Variants in ADAMTS3 observed in about 807,000 individuals in gnomAD.
The protein encoded by ADAMTS3 is A disintegrin and metalloproteinase with thrombospondin motifs 3.
Under a neutral mutation model 129.0 loss-of-function variants are expected in ADAMTS3, and 73 were observed. That is an observed-to-expected ratio of 0.57 (90% CI 0.47 to 0.69). The LOEUF is 0.69. Ranked by LOEUF, ADAMTS3 falls within the 30% of genes least tolerant of loss-of-function variation. ADAMTS3 has a pLI of 0.00. For missense variants in ADAMTS3, 1,457 were observed against 1,514.5 expected (o/e 0.96, Z 0.63); for synonymous variants, 477 against 510.8 (o/e 0.93, Z 0.89).
chr4:72,320,038 TA>T, intron 7 of ADAMTS3, 75 bp from the exon 8 acceptor site: 7 of 1,266,528 alleles, frequency 5.5e-6, no homozygotes, highest in Non-Finnish European at 6.8e-6. Flanking sequence ...GACTTTTGCC[TA>T]GGGGGAAAAA....
intron 3 of ADAMTS3, among the ~76,000 whole-genome samples, chr4:72,514,253 T>C (rs1426860834): frequency 6.6e-6 from 1 of 152,178 alleles, no homozygotes; most frequent in Admixed American, 6.6e-5. Context: ...ACAGGATTAC[T>C]AGGCCCATAC....
chr4:72,284,808 A>G (rs758458428), intron 21 of ADAMTS3, among the ~76,000 whole-genome samples: 1 of 152,194 alleles, frequency 6.6e-6, no homozygotes, highest in Non-Finnish European at 1.5e-5. Flanking sequence ...GGTTACAAGA[A>G]TTGGATTTCA....
chr4:72,428,541 G>A (rs961585760), intron 3 of ADAMTS3, among the ~76,000 whole-genome samples: 8 of 152,024 alleles, frequency 5.3e-5, no homozygotes, highest in African/African-American at 1.9e-4. Context: ...AAGAACTGCT[G>A]ATTAAATGCT....
chr4:72,313,719 C>A lies in ADAMTS3; in HGVS notation c.1703G>T (p.Gly568Val). Residue 568 changes from glycine to valine, a missense_variant, in exon 12 of 22, where the codon GGA becomes GTA. Transcript: ENST00000286657. Reference protein sequence around the residue: ...TKFGSCSRTCGTGVRFRTRQC... With the variant: ...TKFGSCSRTCVTGVRFRTRQC... ...GCGTGTTCTGAAACGAACACCAGTT[C>A]CACATGTCCGAGAACAGGAGCCAAA... 6.2e-7 allele frequency: 1 copy of A among 1,613,734 alleles called. No homozygotes were observed. The highest frequency in any genetic ancestry group is 8.5e-7 in the Non-Finnish European group (1 of 1,179,836).
intron 3 of ADAMTS3, among the ~76,000 whole-genome samples, chr4:72,539,277 A>G: frequency 6.6e-6 from 1 of 152,086 alleles, no homozygotes; most frequent in Non-Finnish European, 1.5e-5. Flanking sequence ...AGAGATTAAT[A>G]TCCAGAATAT....
chr4:72,283,887 A>C (rs1718427331), intron 21 of ADAMTS3, among the ~76,000 whole-genome samples, 183 bp from the exon 22 acceptor site: 1 of 152,198 alleles, frequency 6.6e-6, no homozygotes, highest in Admixed American at 6.5e-5. Flanking sequence ...TAAAATAAGT[A>C]GTTCTTTGTC....
In ADAMTS3 at chr4:72,445,622, C is replaced by A. The variant is rs1472355562; in HGVS notation, c.505-30651G>T. ...TTTTATTAGCAACATGAAGCTGTAG[C>A]AAAGTATTAGCTAAACAAATGTATA... On this transcript the variant is annotated intron_variant, in intron 3 of 21. Coordinates refer to ENST00000286657, the MANE Select transcript of ADAMTS3 (RefSeq NM_014243.3). 2.6e-5 allele frequency among the ~76,000 whole-genome samples: 4 copies of A among 151,730 alleles called. 1 individual carries two copies. The highest frequency in any genetic ancestry group is 4.4e-5 in the Non-Finnish European group (3 of 67,750).
intron 4 of ADAMTS3, among the ~76,000 whole-genome samples, chr4:72,407,072 C>A (rs982992470): frequency 3.3e-5 from 5 of 152,046 alleles, no homozygotes; most frequent in Non-Finnish European, 4.4e-5. Context: ...CATATCCCAG[C>A]CTGATTAACT....
At chr4:72,549,963 AAG>A (rs1491478359) in intron 2 of ADAMTS3, among the ~76,000 whole-genome samples, 101 of 5,006 alleles carry the variant, frequency 0.02, 16 homozygotes, top group Middle Eastern at 0.25. Context: ...AAAAAAAAAA[AAG>A]AAGAAGAAGA....
intron 3 of ADAMTS3, among the ~76,000 whole-genome samples, chr4:72,425,132 C>T (rs1722536876): frequency 6.6e-6 from 1 of 152,020 alleles, no homozygotes; most frequent in Non-Finnish European, 1.5e-5. Flanking sequence ...ATTAGCAATG[C>T]TTGGCATTAT....
chr4:72,281,627 T>A lies in ADAMTS3; in HGVS notation c.*1509A>T, dbSNP rs2109758299. 1 of 152,306 alleles carries A rather than the reference T, an allele frequency of 6.6e-6. No homozygotes were observed. The highest frequency in any genetic ancestry group is 1.5e-5 in the Non-Finnish European group (1 of 68,020). 9.4% of individuals were successfully genotyped at this position (152,306 alleles called of 1,614,324 possible). A position where few individuals can be genotyped will look rare whatever the true frequency, so the allele number is the denominator to read the frequency against. ...AACAAGTCATCAACTTAATATCAAC[T>A]ACTAAAAATGCAAGATGTTTGCATA... On this transcript the variant is annotated 3_prime_UTR_variant, in exon 22 of 22. Coordinates refer to ENST00000286657, the MANE Select transcript of ADAMTS3 (RefSeq NM_014243.3).
intron 4 of ADAMTS3, among the ~76,000 whole-genome samples, chr4:72,397,421 C>T (rs953345282): frequency 1.1e-4 from 17 of 152,000 alleles, no homozygotes; most frequent in African/African-American, 2.9e-4. Context: ...ATAAATTAGC[C>T]AGGTGCCGTG....
At chr4:72,406,114 C>T (rs1024054565) in intron 4 of ADAMTS3, among the ~76,000 whole-genome samples, 15 of 152,074 alleles carry the variant, frequency 9.9e-5, no homozygotes, top group African/African-American at 3.6e-4. Flanking sequence ...GGGTCCCATA[C>T]CAGAAGCTGT....
At chr4:72,353,705 C>A (rs1720502563) in intron 4 of ADAMTS3, among the ~76,000 whole-genome samples, 4 of 152,000 alleles carry the variant, frequency 2.6e-5, no homozygotes, top group Non-Finnish European at 4.4e-5. Flanking sequence ...ACACTTAAAT[C>A]TTTTCATTGA....
chr4:72,459,360 C>T (rs1247623195), intron 3 of ADAMTS3, among the ~76,000 whole-genome samples: 2 of 151,426 alleles, frequency 1.3e-5, no homozygotes, highest in South Asian at 2.1e-4. Context: ...ATTTCAATTC[C>T]GAGATGGCCA....
At position 72,527,515 on chromosome 4, in the gene ADAMTS3, A is replaced by G. The variant is rs113954347; in HGVS notation, c.504+20963T>C. Among the ~76,000 whole-genome samples the G allele has an allele frequency of 6.2e-3, 944 of 152,314 alleles. 17 individuals are homozygous for G. Among genetic ancestry groups the G allele is most frequent in the African/African-American group, 0.022 (897 of 41,564 alleles). On this transcript the variant is annotated intron_variant, in intron 3 of 21. Coordinates refer to ENST00000286657, the MANE Select transcript of ADAMTS3 (RefSeq NM_014243.3). ...ACACAGTAAGTGATCAAAAATACTT[A>G]TTGAATGAATCAATGACTCAGCCAA...
chr4:72,390,690 C>T (rs979016758), intron 4 of ADAMTS3, among the ~76,000 whole-genome samples: 3 of 152,078 alleles, frequency 2.0e-5, no homozygotes. Context: ...TAAGAGAAGG[C>T]TTCAGTAGCA....
intron 4 of ADAMTS3, among the ~76,000 whole-genome samples, chr4:72,400,957 G>T (rs575572707): frequency 3.0e-3 from 438 of 147,508 alleles, no homozygotes; most frequent in Admixed American, 6.4e-3. Context: ...GACAGTGTGG[G>T]TCTAGGTGTA....
rs1392340588 is a variant in ADAMTS3, at chr4:72,567,377, T to C, written c.94A>G (p.Ile32Val). ...GACATCTGAGAACAAAGCTTACCTA[T>C]TTGCACCATTTCTTCATTACCAGCC... ...GQAGNEEMVQ[I>V]DLPIKRYREY... Residue 32 changes from isoleucine to valine, a missense_variant, in exon 2 of 22, where the codon ATA becomes GTA. Ile to Val is a conservative substitution (Grantham distance 29). Transcript: ENST00000286657. The C allele has an allele frequency of 3.1e-6, 5 of 1,612,670 alleles. No homozygotes were observed. The South Asian group carries it at 5.5e-5, about 18-fold the overall frequency.
Sources: allele counts gnomAD v4.1 joint callset (sites outside exome capture counted in the v4.1 genomes callset), GRCh38; gene constraint gnomAD v4.1.1; transcripts MANE v1.5; gene names NCBI Gene and HGNC (gene_info 2026-07-23, HGNC 2026-07-21).